FAM193A: variants seen among roughly 807,000 people sequenced by gnomAD.
FAM193A encodes the protein family with sequence similarity 193 member A, also known as protein FAM193A.
A neutral mutation model predicts 126.5 loss-of-function variants in FAM193A; 22 were observed. The observed-to-expected ratio is 0.17, with a 90% confidence interval of 0.12 to 0.25. The LOEUF (loss-of-function observed/expected upper bound fraction) is 0.25, where lower values mean the gene tolerates loss of function less well. Among genes scored for constraint, FAM193A ranks in the 10% least tolerant of loss-of-function variants. The probability of loss-of-function intolerance (pLI) is 1.00; values close to 1 mark genes in which losing one functional copy is unlikely to be tolerated. For missense variants in FAM193A, 1,675 were observed against 1,672.8 expected (o/e 1.00, Z -0.02); for synonymous variants, 761 against 646.8 (o/e 1.18, Z -2.68).
At chr4:2,662,776 T>TG (rs371527634) in intron 10 of FAM193A, 62 bp from the exon 11 acceptor site, 1 of 1,322,778 alleles carries the variant, frequency 7.6e-7, no homozygotes, top group Admixed American at 1.8e-5. Context: ...GCTTAGTGGC[T>TG]GGTTTACTCA....
chr4:2,651,466 G>A (rs1159848268), intron 7 of FAM193A, among the ~76,000 whole-genome samples: 2 of 152,184 alleles, frequency 1.3e-5, no homozygotes, highest in Non-Finnish European at 2.9e-5. Context: ...GAGAAGAAGA[G>A]GCAAGGCACG....
Position 2,549,395 on chromosome 4 carries a change from CT to C in FAM193A, c.255+12244del, listed in dbSNP as rs869161808. On this transcript the variant is annotated intron_variant, in intron 1 of 20. Transcript: ENST00000637812. ...TTTTCCCTCTATGTTTTCTTTTTTT[CT>C]TTTTTTTTTTTTTTTTTTGAGACGG... 3.0e-3 allele frequency among the ~76,000 whole-genome samples: 363 copies of C among 122,626 alleles called. 1 individual carries two copies. The highest frequency in any genetic ancestry group is 0.016 in the Admixed American group (193 of 12,174). The allele number at this position is 122,626 out of a possible 152,430, so 80.4% of individuals were successfully genotyped here. A position where few individuals can be genotyped will look rare whatever the true frequency, so the allele number is the denominator to read the frequency against.
intron 1 of FAM193A, among the ~76,000 whole-genome samples, chr4:2,567,371 T>C (rs949472873): frequency 9.9e-5 from 15 of 152,206 alleles, no homozygotes; most frequent in African/African-American, 3.6e-4. Flanking sequence ...TCTACTTCGC[T>C]ATATGTATCT....
intron 13 of FAM193A, among the ~76,000 whole-genome samples, chr4:2,680,855 T>C (rs1409421781): frequency 2.0e-5 from 3 of 152,128 alleles, no homozygotes; most frequent in African/African-American, 7.2e-5. Flanking sequence ...TTGGTCAGGC[T>C]GGTCTCGAAC....
chr4:2,726,134 C>T (rs1241648114), intron 20 of FAM193A, among the ~76,000 whole-genome samples: 9 of 152,264 alleles, frequency 5.9e-5, no homozygotes, highest in Admixed American at 3.3e-4. Flanking sequence ...CTCCCGACCT[C>T]GTGATCCGCC....
At chr4:2,723,192 T>C (rs762040572) in intron 20 of FAM193A, among the ~76,000 whole-genome samples, 6 of 151,966 alleles carry the variant, frequency 3.9e-5, no homozygotes, top group Non-Finnish European at 7.4e-5. Flanking sequence ...GAGAATGGCG[T>C]GAATCCAGGA....
At chr4:2,686,480 T>C (rs1164661128) in intron 13 of FAM193A, among the ~76,000 whole-genome samples, 1 of 152,154 alleles carries the variant, frequency 6.6e-6, no homozygotes, top group African/African-American at 2.4e-5. Flanking sequence ...AATATCAAAA[T>C]GTTGTGACTT....
At chr4:2,726,406 T>C (rs180758411) in intron 20 of FAM193A, among the ~76,000 whole-genome samples, 1 of 152,292 alleles carries the variant, frequency 6.6e-6, no homozygotes, top group East Asian at 1.9e-4. Context: ...ACTTGAGTTG[T>C]TCTTTCTAAC....
chr4:2,719,266 C>A (rs996495563), intron 20 of FAM193A, among the ~76,000 whole-genome samples: 2 of 152,100 alleles, frequency 1.3e-5, no homozygotes, highest in African/African-American at 2.4e-5. Flanking sequence ...GTTGAGATCA[C>A]GCCATTGAAC....
At chr4:2,638,261 C>A (rs986590068) in intron 5 of FAM193A, among the ~76,000 whole-genome samples, 2 of 152,230 alleles carry the variant, frequency 1.3e-5, no homozygotes, top group Non-Finnish European at 2.9e-5. Context: ...TCCTGGAGAG[C>A]AGCGGACTAT....
chr4:2,687,363 T>TA (rs1715862686), intron 13 of FAM193A, among the ~76,000 whole-genome samples: 1 of 152,180 alleles, frequency 6.6e-6, no homozygotes, highest in African/African-American at 2.4e-5. Context: ...GCTCAACTCT[T>TA]ACCATACCCC....
chr4:2,604,647 C>T (rs1454976327), intron 2 of FAM193A, among the ~76,000 whole-genome samples: 2 of 151,882 alleles, frequency 1.3e-5, no homozygotes, highest in Non-Finnish European at 2.9e-5. Flanking sequence ...GAGCTCCCTC[C>T]CATTCTTTTT....
At chr4:2,539,339 G>GTA (rs1737080627) in intron 1 of FAM193A, among the ~76,000 whole-genome samples, 1 of 152,032 alleles carries the variant, frequency 6.6e-6, no homozygotes, top group Non-Finnish European at 1.5e-5. Context: ...TAATTACTAA[G>GTA]GGCACAGACC....
intron 1 of FAM193A, among the ~76,000 whole-genome samples, chr4:2,561,772 C>G (rs1738632115): frequency 6.6e-6 from 1 of 152,172 alleles, no homozygotes; most frequent in Non-Finnish European, 1.5e-5. Context: ...GCTGGGATTA[C>G]AGGCGTGAGC....
chr4:2,636,019 G>A (rs1229535775), intron 5 of FAM193A, among the ~76,000 whole-genome samples: 1 of 146,312 alleles, frequency 6.8e-6, no homozygotes, highest in Non-Finnish European at 1.5e-5. Context: ...TTTTTGAGAC[G>A]GAGTCTTAGT....
intron 20 of FAM193A, among the ~76,000 whole-genome samples, chr4:2,718,231 T>C (rs2109383228): frequency 6.6e-6 from 1 of 152,048 alleles, no homozygotes; most frequent in East Asian, 1.9e-4. Flanking sequence ...TCAACAAAGC[T>C]AAAATATGAT....
chr4:2,627,589 T>C (rs1404487256), intron 4 of FAM193A, among the ~76,000 whole-genome samples: 1 of 146,508 alleles, frequency 6.8e-6, no homozygotes. Context: ...TTTTTTTTTT[T>C]TTTTTTCAGA....
chr4:2,689,990 G>C (rs182582480), intron 14 of FAM193A, among the ~76,000 whole-genome samples: 1 of 152,228 alleles, frequency 6.6e-6, no homozygotes, highest in East Asian at 1.9e-4. Context: ...TGAGGGTCTC[G>C]TGACCACGGT....
intron 3 of FAM193A, among the ~76,000 whole-genome samples, 153 bp from the exon 4 acceptor site, chr4:2,626,257 C>T (rs1742953352): frequency 6.6e-6 from 1 of 152,124 alleles, no homozygotes; most frequent in South Asian, 2.1e-4. Flanking sequence ...GCTGGGGATG[C>T]CATCACCCCC....
Sources: allele counts gnomAD v4.1 joint callset (sites outside exome capture counted in the v4.1 genomes callset), GRCh38; gene constraint gnomAD v4.1.1; transcripts MANE v1.5; gene names NCBI Gene and HGNC (gene_info 2026-07-23, HGNC 2026-07-21).